The following DTNA variants were observed in gnomAD, a reference collection of about 807,000 sequenced individuals.
The protein encoded by DTNA is dystrobrevin alpha.
In DTNA, 43 loss-of-function variants were observed where a neutral mutation model predicts 100.7. The ratio of observed to expected loss-of-function variants is 0.43; its 90% CI spans 0.33 to 0.55. The LOEUF is 0.55. Among genes scored for constraint, DTNA ranks in the 20% least tolerant of loss-of-function variants. DTNA has a pLI of 0.04. For missense variants in DTNA, 798 were observed against 953.9 expected (o/e 0.84, Z 2.15); for synonymous variants, 349 against 347.9 (o/e 1.00, Z -0.04).
chr18:34,825,088 G>A (rs1426261630), intron 9 of DTNA, among the ~76,000 whole-genome samples: 1 of 151,930 alleles, frequency 6.6e-6, no homozygotes, highest in Non-Finnish European at 1.5e-5. Context: ...ATAGCCAAGG[G>A]ACTTTTTTTT....
chr18:34,576,670 G>A (rs2048141676), intron 1 of DTNA, among the ~76,000 whole-genome samples: 1 of 152,060 alleles, frequency 6.6e-6, no homozygotes, highest in African/African-American at 2.4e-5. Context: ...TGTTGCCCAG[G>A]CTGGTCTCGA....
At chr18:34,597,814 A>G (rs568326498) in intron 1 of DTNA, among the ~76,000 whole-genome samples, 1 of 100,128 alleles carries the variant, frequency 1.0e-5, no homozygotes, top group East Asian at 3.4e-4. Context: ...CCTTTGTGGG[A>G]AAACCCCACT....
At chr18:34,603,542 T>C (rs1232380525) in intron 1 of DTNA, among the ~76,000 whole-genome samples, 4 of 152,154 alleles carry the variant, frequency 2.6e-5, no homozygotes, top group Non-Finnish European at 5.9e-5. Flanking sequence ...ATTGTCTTGT[T>C]AAATGGCATT....
chr18:34,655,602 T>G (rs2144202834), intron 1 of DTNA, among the ~76,000 whole-genome samples: 1 of 152,348 alleles, frequency 6.6e-6, no homozygotes, highest in South Asian at 2.1e-4. Flanking sequence ...TCACAGAAAT[T>G]ATATGGATAT....
At chr18:34,824,434 C>T (rs1328556507) in intron 9 of DTNA, among the ~76,000 whole-genome samples, 2 of 151,838 alleles carry the variant, frequency 1.3e-5, no homozygotes, top group Non-Finnish European at 2.9e-5. Flanking sequence ...CGAGATCGCG[C>T]CACCGCACTC....
At position 34,512,001 on chromosome 18, in the gene DTNA, CTCTGT is replaced by C. The variant is rs142577962; in HGVS notation, c.-2+18492_-2+18496del. On this transcript the variant is annotated intron_variant, in intron 1 of 19. Coordinates refer to the DTNA transcript ENST00000283365. ...TATGGAGCTTGCATTTCTCCTGTGA[CTCTGT>C]TCTGAGTCTCTGCATCTGTTGAATG... Among the ~76,000 whole-genome samples, 375 of 152,034 alleles carry C rather than the reference CTCTGT, an allele frequency of 2.5e-3. 2 individuals carry two copies. Among genetic ancestry groups the C allele is most frequent in the African/African-American group, 8.6e-3 (358 of 41,510 alleles).
At chr18:34,763,852 A>T (rs978776490) in intron 2 of DTNA, among the ~76,000 whole-genome samples, 1 of 152,216 alleles carries the variant, frequency 6.6e-6, no homozygotes, top group Non-Finnish European at 1.5e-5. Flanking sequence ...AGTATACCTG[A>T]AATGGCTGTG....
chr18:34,739,062 C>T (rs538217366), intron 1 of DTNA, among the ~76,000 whole-genome samples: 1 of 152,240 alleles, frequency 6.6e-6, no homozygotes, highest in African/African-American at 2.4e-5. Context: ...CCTTTCTCCC[C>T]TTCCTCCCTC....
chr18:34,688,527 G>C (rs564344360), intron 1 of DTNA, among the ~76,000 whole-genome samples: 1 of 152,132 alleles, frequency 6.6e-6, no homozygotes, highest in Non-Finnish European at 1.5e-5. Flanking sequence ...AGTCTGATGG[G>C]CTTCCCTTTG....
chr18:34,522,538 C>T (rs1465261796), intron 1 of DTNA, among the ~76,000 whole-genome samples: 2 of 152,180 alleles, frequency 1.3e-5, no homozygotes, highest in African/African-American at 2.4e-5. Flanking sequence ...TGTCCATGGC[C>T]TCCTTGACCA....
In DTNA at chr18:34,661,418, T is replaced by C. The variant is rs560775287; in HGVS notation, c.-1-94558T>C. Among the ~76,000 whole-genome samples the C allele has an allele frequency of 1.1e-3, 166 of 152,294 alleles. 1 individual carries two copies. The highest frequency in any genetic ancestry group is 1.7e-3 in the Non-Finnish European group (117 of 68,022). ...AGTACAAGTTTTTAGATTCTTCTCT[T>C]TTCCTGGTGATGAGGTCTGAAACTC... On this transcript the variant is annotated intron_variant, in intron 1 of 19. Transcript: ENST00000283365.
chr18:34,676,490 T>C (rs529569522), intron 1 of DTNA, among the ~76,000 whole-genome samples: 3 of 152,284 alleles, frequency 2.0e-5, no homozygotes, highest in Admixed American at 6.5e-5. Context: ...AGTCACAAGT[T>C]AGCCAACCTA....
chr18:34,739,393 A>G (rs1212717138), intron 1 of DTNA, among the ~76,000 whole-genome samples: 1 of 152,218 alleles, frequency 6.6e-6, no homozygotes, highest in Non-Finnish European at 1.5e-5. Context: ...TACTTTTAAA[A>G]GCTTTGTCAT....
intron 1 of DTNA, among the ~76,000 whole-genome samples, chr18:34,652,797 G>A (rs1229413402): frequency 1.3e-5 from 2 of 152,052 alleles, no homozygotes; most frequent in East Asian, 1.9e-4. Context: ...ACGTGAATCC[G>A]AAATCTCCAT....
At position 34,888,331 on chromosome 18, in the gene DTNA, G is replaced by A. The variant is rs779118665; in HGVS notation, c.*597G>A. The A allele has an allele frequency of 2.3e-4, 223 of 985,754 alleles. No individual in the cohort carries two copies. The highest frequency in any genetic ancestry group is 5.6e-4 in the South Asian group (12 of 21,286). 61.1% of individuals were successfully genotyped at this position (985,754 alleles called of 1,614,324 possible). On this transcript the variant is annotated 3_prime_UTR_variant, in exon 23 of 23. Transcript: ENST00000444659. ...TCATTCAATAACCCTGAAGAATTTG[G>A]TTCCTGAGTGTACAAACTCAGAGCC...
chr18:34,601,186 A>G (rs548756892), intron 1 of DTNA, among the ~76,000 whole-genome samples: 1 of 152,250 alleles, frequency 6.6e-6, no homozygotes, highest in South Asian at 2.1e-4. Flanking sequence ...GGGCTACCCC[A>G]TAGAGTGTCC....
upstream of DTNA, among the ~76,000 whole-genome samples, chr18:34,709,125 T>G (rs945291482): frequency 2.6e-5 from 4 of 151,876 alleles, no homozygotes; most frequent in African/African-American, 9.7e-5. Context: ...CCTGGAGGAG[T>G]TGAGGGAAAG....
intron 1 of DTNA, among the ~76,000 whole-genome samples, chr18:34,670,212 A>G (rs2076549661): frequency 6.6e-6 from 1 of 152,128 alleles, no homozygotes; most frequent in African/African-American, 2.4e-5. Flanking sequence ...AGTTGATCGA[A>G]TTGGCTACTG....
At chr18:34,685,693 A>T (rs1023176152) in intron 1 of DTNA, among the ~76,000 whole-genome samples, 4 of 152,198 alleles carry the variant, frequency 2.6e-5, no homozygotes, top group African/African-American at 9.6e-5. Context: ...TGGTAGCTTG[A>T]TGGGAATGGC....
Sources: gnomAD v4.1 joint callset for allele counts (sites outside exome capture counted in the v4.1 genomes callset) on GRCh38, gnomAD v4.1.1 for gene constraint, MANE v1.5 for transcripts, NCBI Gene and HGNC (gene_info 2026-07-23, HGNC 2026-07-21) for gene names.